The following KAZN variants were observed in gnomAD, a reference collection of about 807,000 sequenced individuals.
The protein encoded by KAZN is kazrin.
Under a neutral mutation model 87.4 loss-of-function variants are expected in KAZN, and 40 were observed. That is an observed-to-expected ratio of 0.46 (90% confidence interval 0.36 to 0.60). The LOEUF is 0.60. KAZN is among the 20% of genes least tolerant of loss of function. The probability of loss-of-function intolerance (pLI) is 0.00; values close to 1 mark genes in which losing one functional copy is unlikely to be tolerated. For missense variants in KAZN, 898 were observed against 1,073.9 expected, an observed-to-expected ratio of 0.84 and a Z score of 2.29; for synonymous variants, 466 against 458.3, an observed-to-expected ratio of 1.02 and a Z score of -0.22.
chr1:14,529,515 G>A (rs187281229), intron 2 of KAZN, among the ~76,000 whole-genome samples: 2 of 152,328 alleles, frequency 1.3e-5, no homozygotes, highest in Admixed American at 6.5e-5. Flanking sequence ...TTGTGTGAGA[G>A]AAGAGTGTCT....
intron 1 of KAZN, among the ~76,000 whole-genome samples, chr1:14,093,403 T>C (rs142462517): frequency 6.6e-6 from 1 of 152,228 alleles, no homozygotes; most frequent in Non-Finnish European, 1.5e-5. Flanking sequence ...TCTTTAAGGA[T>C]AGAGACTAGG....
intron 2 of KAZN, among the ~76,000 whole-genome samples, chr1:14,195,002 C>T (rs1646497161): frequency 1.3e-5 from 2 of 152,140 alleles, no homozygotes; most frequent in African/African-American, 4.8e-5. Context: ...TTCAAGGAGG[C>T]ACAATTAAGC....
intron 1 of KAZN, among the ~76,000 whole-genome samples, chr1:14,067,517 G>C (rs1643055124): frequency 6.6e-6 from 1 of 152,184 alleles, no homozygotes; most frequent in Admixed American, 6.5e-5. Context: ...ACCCCTTCTA[G>C]ACTGTGGGGA....
In KAZN at chr1:14,571,140, G is replaced by GT. The variant is rs565341106; in HGVS notation, c.250-27836dup. 7.0e-4 allele frequency among the ~76,000 whole-genome samples: 106 copies of GT among 151,688 alleles called. 2 individuals carry two copies. In the South Asian group the frequency reaches 0.021, roughly 30 times the overall value. On this transcript the variant is annotated intron_variant, in intron 2 of 16. Coordinates refer to the KAZN transcript ENST00000636203. ...TCACTATATTTGGATTTTTTTATTT[G>GT]TTTTTTTATAACAAGACCAAATATA...
Position 14,895,520 on chromosome 1 carries a change from G to A in KAZN, c.227-65164G>A, listed in dbSNP as rs79609301. On this transcript the variant is annotated intron_variant, in intron 1 of 14. Transcript: ENST00000376030. ...CAGCCTTCCCCTGGGATCACATCAGGGGTCTGGGAGTGAAGGGGACAGCCA... is the reference window on the plus strand; with the variant it reads ...CAGCCTTCCCCTGGGATCACATCAGAGGTCTGGGAGTGAAGGGGACAGCCA... Among the ~76,000 whole-genome samples, 21 of 152,274 alleles carry A rather than the reference G, an allele frequency of 1.4e-4. No homozygotes were observed. In the East Asian group the frequency reaches 4.1e-3, roughly 29 times the overall value.
At position 15,099,794 on chromosome 1, in the gene KAZN, C is replaced by T. The variant is rs1280501384; in HGVS notation, c.1548-1749C>T. Among the ~76,000 whole-genome samples the T allele has an allele frequency of 6.6e-6, 1 of 152,164 alleles. No homozygotes were observed. The highest frequency in any genetic ancestry group is 6.5e-5 in the Admixed American group (1 of 15,282). On this transcript the variant is annotated intron_variant, in intron 10 of 14. Coordinates refer to ENST00000376030, the MANE Select transcript of KAZN (RefSeq NM_201628.3). This position sits in a 1 kb window ranked among gnomAD's most constrained non-coding sequence, Gnocchi z 5.4. ...ATGCGGAATAGAAGGGAAGCAAAGG[C>T]AGGAAACGGGGAGCAGCCGGGGAAA...
intron 1 of KAZN, among the ~76,000 whole-genome samples, chr1:13,987,060 T>C (rs34698365): frequency 0.14 from 20,966 of 152,204 alleles, 1,577 homozygotes; most frequent in Middle Eastern, 0.2. Flanking sequence ...GCCCCTGCCT[T>C]TTACCTGTTG....
intron 2 of KAZN, among the ~76,000 whole-genome samples, chr1:15,027,346 C>G (rs1671279516): frequency 6.6e-6 from 1 of 151,688 alleles, no homozygotes; most frequent in Admixed American, 6.6e-5. Flanking sequence ...TCCCAAAATG[C>G]TGGGATGACA....
chr1:14,439,435 C>G (rs1666577686), intron 2 of KAZN, among the ~76,000 whole-genome samples: 1 of 152,182 alleles, frequency 6.6e-6, no homozygotes, highest in Non-Finnish European at 1.5e-5. Flanking sequence ...TAGACCCCCT[C>G]CTCAATATAG....
intron 2 of KAZN, among the ~76,000 whole-genome samples, chr1:14,512,089 T>C (rs1670936860): frequency 6.6e-6 from 1 of 152,118 alleles, no homozygotes; most frequent in Non-Finnish European, 1.5e-5. Flanking sequence ...CATCCAGCTT[T>C]CTTCTCAGAT....
chr1:14,924,723 G>C, intron 1 of KAZN: 1 of 308,590 alleles, frequency 3.2e-6, no homozygotes, highest in Non-Finnish European at 4.8e-6. Context: ...CCCCGGGCGG[G>C]TGCAGCGGGA....
At chr1:14,019,983 C>A (rs7515506) in intron 1 of KAZN, among the ~76,000 whole-genome samples, 3,352 of 151,926 alleles carry the variant, frequency 0.022, 117 homozygotes, top group African/African-American at 0.075. Flanking sequence ...ATCATAATGT[C>A]GAATCAGTGG....
intron 1 of KAZN, among the ~76,000 whole-genome samples, chr1:14,115,019 G>A (rs979863922): frequency 6.6e-6 from 1 of 152,186 alleles, no homozygotes; most frequent in Non-Finnish European, 1.5e-5. Context: ...TGGCTCTGTT[G>A]ATGTCTGCCT....
intron 1 of KAZN, among the ~76,000 whole-genome samples, chr1:14,669,613 G>A (rs1639793255): frequency 1.3e-5 from 2 of 152,120 alleles, no homozygotes; most frequent in Non-Finnish European, 2.9e-5. Flanking sequence ...CAGGTACAGT[G>A]GTGTGCACCT....
Position 14,022,671 on chromosome 1 carries a change from C to A in KAZN, c.91+128915C>A, listed in dbSNP as rs568085523. On this transcript the variant is annotated intron_variant, in intron 1 of 16. Transcript: ENST00000636203. ...ACCTTGAGTAGTGGTCTCAAGTGGT[C>A]TCATTGATAATGTGAACACAGAGCT... 2.0e-5 allele frequency among the ~76,000 whole-genome samples: 3 copies of A among 152,150 alleles called. No individual in the cohort carries two copies. The East Asian group carries it at 5.8e-4, about 29-fold the overall frequency.
intron 2 of KAZN, among the ~76,000 whole-genome samples, chr1:14,562,091 A>C (rs541164944): frequency 3.1e-4 from 47 of 152,254 alleles, no homozygotes; most frequent in African/African-American, 1.1e-3. Flanking sequence ...GCAATCTCTT[A>C]AGCTTTTATT....
At chr1:14,070,167 CAA>C (rs61327562) in intron 1 of KAZN, among the ~76,000 whole-genome samples, 1 of 72,898 alleles carries the variant, frequency 1.4e-5, no homozygotes, top group Non-Finnish European at 2.6e-5. Flanking sequence ...GACTCCATCT[CAA>C]AAAAAAAAAA....
rs985818842 is a variant in KAZN, at chr1:14,856,870, G to A, written c.227-103814G>A. On this transcript the variant is annotated intron_variant, in intron 1 of 14. Coordinates refer to ENST00000376030, the MANE Select transcript of KAZN (RefSeq NM_201628.3). The surrounding 1 kb of genome is among the most constrained non-coding windows in gnomAD (Gnocchi z 5.2). ...GTCATCCTTTGATGCTTCTCCTTGG[G>A]AGGTGTGTGAATTGGAGTTGCTTAA... 1.3e-4 allele frequency among the ~76,000 whole-genome samples: 20 copies of A among 152,164 alleles called. 1 individual carries two copies. The highest frequency in any genetic ancestry group is 6.5e-5 in the Admixed American group (1 of 15,270).
chr1:14,938,250 G>A (rs1308803660), intron 1 of KAZN, among the ~76,000 whole-genome samples: 1 of 152,106 alleles, frequency 6.6e-6, no homozygotes, highest in Admixed American at 6.6e-5. Flanking sequence ...ATTTGTATTG[G>A]TTCAAAATGG....
Sources: gnomAD v4.1 joint callset for allele counts (sites outside exome capture counted in the v4.1 genomes callset) on GRCh38, gnomAD v4.1.1 for gene constraint, Gnocchi (gnomAD v3.1) non-coding constraint, MANE v1.5 for transcripts, NCBI Gene and HGNC (gene_info 2026-07-23, HGNC 2026-07-21) for gene names.